Variants in CIB4 observed in about 807,000 individuals in gnomAD.
The protein encoded by CIB4 is calcium and integrin binding family member 4.
In CIB4, 25 loss-of-function variants were observed where a neutral mutation model predicts 25.8. The ratio of observed to expected loss-of-function variants is 0.97; its 90% CI spans 0.71 to 1.35. The LOEUF (loss-of-function observed/expected upper bound fraction) is 1.35. Ranked by LOEUF, CIB4 falls within the 40% of genes most tolerant of loss-of-function variation. The probability of loss-of-function intolerance (pLI) is 0.00; values close to 1 mark genes in which losing one functional copy is unlikely to be tolerated. For synonymous variants in CIB4, 75 were observed against 81.4 expected (o/e 0.92, Z 0.42); for missense variants, 235 against 228.2 (o/e 1.03, Z -0.19).
At chr2:26,585,495 G>C (rs1008241222) in intron 4 of CIB4, among the ~76,000 whole-genome samples, 1 of 152,062 alleles carries the variant, frequency 6.6e-6, no homozygotes. Context: ...AGTCACCCAA[G>C]CCCCTCACTG....
chr2:26,631,091 A>G (rs1372908756), intron 2 of CIB4, among the ~76,000 whole-genome samples: 1 of 152,148 alleles, frequency 6.6e-6, no homozygotes, highest in Non-Finnish European at 1.5e-5. Flanking sequence ...TGTATGCAGG[A>G]GTGAGTGACT....
chr2:26,618,649 C>G (rs1301167658), intron 3 of CIB4, among the ~76,000 whole-genome samples: 3 of 152,210 alleles, frequency 2.0e-5, no homozygotes, highest in Admixed American at 2.0e-4. Context: ...GAGAGCCAAG[C>G]CTGCCTTGGG....
At chr2:26,608,176 G>T (rs976520017) in intron 3 of CIB4, among the ~76,000 whole-genome samples, 2 of 150,408 alleles carry the variant, frequency 1.3e-5, no homozygotes, top group South Asian at 2.1e-4. Context: ...AGACGGGAAG[G>T]TTGCAGTGAG....
chr2:26,611,485 T>C (rs1243571278), intron 3 of CIB4, among the ~76,000 whole-genome samples: 1 of 152,216 alleles, frequency 6.6e-6, no homozygotes, highest in Non-Finnish European at 1.5e-5. Flanking sequence ...CCCAGGTTTC[T>C]TATTTTGTGC....
intron 3 of CIB4, among the ~76,000 whole-genome samples, chr2:26,626,975 G>A (rs1232802476): frequency 1.3e-5 from 2 of 152,112 alleles, no homozygotes; most frequent in African/African-American, 4.8e-5. Context: ...ATAGATGGGG[G>A]GATATACATG....
rs2148197151 is a variant in CIB4, at chr2:26,595,269, T to C, written c.235A>G (p.Met79Val). 6.2e-7 allele frequency: 1 copy of C among 1,614,110 alleles called. No individual in the cohort carries two copies. Among genetic ancestry groups the C allele is most frequent in the South Asian group, 1.1e-5 (1 of 91,068 alleles). Reference protein sequence around the residue: ...RICRVFSHKGMFSFEDVLGMA... With the variant: ...RICRVFSHKGVFSFEDVLGMA... ...CCCAGCACATCCTCAAAGGAGAACA[T>C]GCCTTTGTGGGAGAACACTCTGCAG... The change falls in exon 4 of 7, where the codon ATG becomes GTG. Residue 79 changes from methionine (M) to valine (V), a missense_variant. Transcript: ENST00000288861.
At chr2:26,640,872 G>A (rs1669621570) in intron 1 of CIB4, among the ~76,000 whole-genome samples, 1 of 152,176 alleles carries the variant, frequency 6.6e-6, no homozygotes, top group South Asian at 2.1e-4. Flanking sequence ...TAACCTTAGA[G>A]ATCTCATCTG....
At chr2:26,621,392 C>T (rs1669202899) in intron 3 of CIB4, among the ~76,000 whole-genome samples, 1 of 151,984 alleles carries the variant, frequency 6.6e-6, no homozygotes, top group South Asian at 2.1e-4. Flanking sequence ...ATCCAACCTA[C>T]AATTCCATCT....
At chr2:26,636,367 G>T (rs1572575956) in intron 2 of CIB4, among the ~76,000 whole-genome samples, 1 of 152,118 alleles carries the variant, frequency 6.6e-6, no homozygotes, top group South Asian at 2.1e-4. Context: ...CTTGGTTTTT[G>T]TGTGCCTATC....
At chr2:26,595,024 C>G in intron 4 of CIB4, 152 bp downstream of exon 4, 1 of 682,990 alleles carries the variant, frequency 1.5e-6, no homozygotes, top group East Asian at 2.6e-5. Context: ...TTTTTTTATT[C>G]CATGGTACAT....
intron 5 of CIB4, 66 bp from the exon 6 acceptor site, chr2:26,582,979 G>T: frequency 9.0e-7 from 1 of 1,112,582 alleles, no homozygotes; most frequent in Non-Finnish European, 1.4e-6. Context: ...GGGGCACAGG[G>T]TGGAGGGGGA....
chr2:26,627,306 G>A lies in CIB4; in HGVS notation c.186+2104C>T, dbSNP rs1049867036. 1.3e-5 allele frequency among the ~76,000 whole-genome samples: 2 copies of A among 152,224 alleles called. No individual in the cohort carries two copies. Among genetic ancestry groups the A allele is most frequent in the Admixed American group, 6.5e-5 (1 of 15,284 alleles). ...GAACTAGTCCAGACTCTTCCATCAT[G>A]TGGCCCCTTGGAAGTTGTTTCCCTC... On this transcript the variant is annotated intron_variant, in intron 3 of 6. Coordinates refer to ENST00000288861, the MANE Select transcript of CIB4 (RefSeq NM_001029881.3). The surrounding 1 kb of genome is among the most constrained non-coding windows in gnomAD (Gnocchi z 4.0).
At chr2:26,586,625 A>C (rs1668458407) in intron 4 of CIB4, among the ~76,000 whole-genome samples, 1 of 152,236 alleles carries the variant, frequency 6.6e-6, no homozygotes, top group African/African-American at 2.4e-5. Context: ...TTGTTGAATA[A>C]ATAACGAATG....
At chr2:26,587,167 G>T (rs924768622) in intron 4 of CIB4, among the ~76,000 whole-genome samples, 1 of 151,946 alleles carries the variant, frequency 6.6e-6, no homozygotes, top group East Asian at 1.9e-4. Flanking sequence ...TTAGCCGGGC[G>T]TAGTGGCTGG....
At chr2:26,604,263 C>G (rs988046580) in intron 3 of CIB4, among the ~76,000 whole-genome samples, 7 of 151,540 alleles carry the variant, frequency 4.6e-5, no homozygotes, top group Non-Finnish European at 1.0e-4. Flanking sequence ...GCCTGCAGTC[C>G]CAGCCACCTG....
At chr2:26,633,338 T>C (rs1226503813) in intron 2 of CIB4, among the ~76,000 whole-genome samples, 1 of 152,212 alleles carries the variant, frequency 6.6e-6, no homozygotes, top group Non-Finnish European at 1.5e-5. Context: ...GGCCATCATT[T>C]CTACAGATGG....
At chr2:26,637,147 T>C (rs1572576454) in intron 2 of CIB4, among the ~76,000 whole-genome samples, 2 of 152,082 alleles carry the variant, frequency 1.3e-5, no homozygotes, top group African/African-American at 4.8e-5. Context: ...AGGGCAGGGG[T>C]GCCAAGTTGA....
At chr2:26,633,409 G>A (rs192460664) in intron 2 of CIB4, among the ~76,000 whole-genome samples, 7 of 152,170 alleles carry the variant, frequency 4.6e-5, no homozygotes, top group Non-Finnish European at 1.0e-4. Context: ...GGGAAGAGAC[G>A]GAGTGGAGGG....
intron 3 of CIB4, among the ~76,000 whole-genome samples, chr2:26,616,067 G>T (rs1669086404): frequency 6.6e-6 from 1 of 152,214 alleles, no homozygotes; most frequent in South Asian, 2.1e-4. Flanking sequence ...ATGTGACTGT[G>T]GTGGCTGGGC....
Sources: gnomAD v4.1 joint callset for allele counts (sites outside exome capture counted in the v4.1 genomes callset) on GRCh38, gnomAD v4.1.1 for gene constraint, Gnocchi (gnomAD v3.1) non-coding constraint, MANE v1.5 for transcripts, NCBI Gene and HGNC (gene_info 2026-07-23, HGNC 2026-07-21) for gene names.